ANKH: variants seen among roughly 807,000 people sequenced by gnomAD.
ANKH encodes the protein mineralization regulator ANKH.
In ANKH, 15 loss-of-function variants were observed where a neutral mutation model predicts 49.0. That is an observed-to-expected ratio of 0.31 (90% confidence interval 0.20 to 0.47). The LOEUF is 0.47. Among genes scored for constraint, ANKH ranks in the 20% least tolerant of loss-of-function variants. ANKH has a pLI of 1.00. For missense variants in ANKH, 429 were observed against 652.0 expected (o/e 0.66, Z 3.72); for synonymous variants, 273 against 260.0 (o/e 1.05, Z -0.48).
chr5:14,767,673 A>G (rs1255742171), intron 2 of ANKH, among the ~76,000 whole-genome samples: 4 of 152,212 alleles, frequency 2.6e-5, no homozygotes, highest in Non-Finnish European at 5.9e-5. Context: ...AACCATGGCT[A>G]AATAGGGAAT....
chr5:14,756,704 TTGTCTG>T (rs1331495343), intron 3 of ANKH, among the ~76,000 whole-genome samples: 5 of 152,074 alleles, frequency 3.3e-5, no homozygotes, highest in African/African-American at 1.2e-4. Flanking sequence ...GCTGGCTTTG[TTGTCTG>T]AAAGCCACCA....
chr5:14,719,523 C>CT (rs1395036174), intron 8 of ANKH, among the ~76,000 whole-genome samples: 1 of 152,126 alleles, frequency 6.6e-6, no homozygotes, highest in East Asian at 1.9e-4. Context: ...CCGAGAGATG[C>CT]TAACTACCTA....
intron 1 of ANKH, among the ~76,000 whole-genome samples, chr5:14,838,654 A>G (rs1741730519): frequency 6.6e-6 from 1 of 152,144 alleles, no homozygotes; most frequent in African/African-American, 2.4e-5. Flanking sequence ...CTGTAACACA[A>G]ATACCCAGTC....
intron 8 of ANKH, among the ~76,000 whole-genome samples, chr5:14,732,957 C>T (rs930275760): frequency 1.3e-5 from 2 of 152,282 alleles, no homozygotes; most frequent in South Asian, 2.1e-4. Context: ...GAGCCACAGG[C>T]GTGACAGACA....
At chr5:14,850,041 A>G (rs1222274815) in intron 1 of ANKH, among the ~76,000 whole-genome samples, 1 of 151,784 alleles carries the variant, frequency 6.6e-6, no homozygotes, top group African/African-American at 2.4e-5. Flanking sequence ...CGCCTCACAT[A>G]AAAGGTATGT....
chr5:14,748,168 T>G (rs531204527), intron 6 of ANKH, among the ~76,000 whole-genome samples: 1 of 152,334 alleles, frequency 6.6e-6, no homozygotes, highest in South Asian at 2.1e-4. Context: ...AAACTTGAAC[T>G]GAAGTATTCA....
intron 6 of ANKH, 90 bp downstream of exon 6, chr5:14,749,082 G>A: frequency 6.4e-7 from 1 of 1,561,580 alleles, no homozygotes; most frequent in Non-Finnish European, 8.8e-7. Context: ...GGAATTACTT[G>A]AGCTCTCGAG....
intron 1 of ANKH, chr5:14,797,246 A>C: frequency 7.2e-7 from 1 of 1,381,476 alleles, no homozygotes; most frequent in Non-Finnish European, 1.0e-6. Context: ...CTCAAGGTTC[A>C]CTGGGATTCC....
intron 8 of ANKH, among the ~76,000 whole-genome samples, chr5:14,722,836 C>CA (rs1737710812): frequency 6.6e-6 from 1 of 151,954 alleles, no homozygotes; most frequent in Admixed American, 6.6e-5. Context: ...GGAAACCCGT[C>CA]CTGACAGCAG....
At chr5:14,730,979 C>A (rs896342634) in intron 8 of ANKH, among the ~76,000 whole-genome samples, 2 of 152,220 alleles carry the variant, frequency 1.3e-5, no homozygotes, top group Non-Finnish European at 1.5e-5. Context: ...TAAGGAAGCA[C>A]CTGCCTGCCA....
intron 2 of ANKH, among the ~76,000 whole-genome samples, chr5:14,763,339 T>C (rs1396137491): frequency 6.6e-6 from 1 of 152,240 alleles, no homozygotes; most frequent in Non-Finnish European, 1.5e-5. Context: ...ATTTCCAAGG[T>C]ATGTGTGTTT....
At chr5:14,865,816 T>C (rs1441635423) in intron 1 of ANKH, among the ~76,000 whole-genome samples, 3 of 152,222 alleles carry the variant, frequency 2.0e-5, no homozygotes, top group Non-Finnish European at 4.4e-5. Context: ...CTTGTGATAT[T>C]AATAATTTGG....
In ANKH at chr5:14,770,040, G is replaced by C. The variant is rs939032508; in HGVS notation, c.97-849C>G. Among the ~76,000 whole-genome samples, 5 of 152,170 alleles carry C rather than the reference G, an allele frequency of 3.3e-5. No homozygotes were observed. Among genetic ancestry groups the C allele is most frequent in the African/African-American group, 4.8e-5 (2 of 41,442 alleles). ...ACCAGTGGGAATGGATGTCCAGGTA[G>C]AGAGAGCTTTCTGACTAAAATGCCT... On this transcript the variant is annotated intron_variant, in intron 1 of 11. Transcript: ENST00000284268. This position sits in a 1 kb window ranked among gnomAD's most constrained non-coding sequence, Gnocchi z 4.1.
At chr5:14,792,205 G>C (rs1177023942) in intron 1 of ANKH, among the ~76,000 whole-genome samples, 1 of 152,148 alleles carries the variant, frequency 6.6e-6, no homozygotes, top group East Asian at 1.9e-4. Flanking sequence ...CAGGTGTCTA[G>C]AGTCGAGTCC....
intron 1 of ANKH, among the ~76,000 whole-genome samples, chr5:14,837,656 A>G (rs1414469792): frequency 6.6e-6 from 1 of 152,230 alleles, no homozygotes; most frequent in East Asian, 1.9e-4. Flanking sequence ...AGAAACAGGA[A>G]CACTTTTACA....
At chr5:14,834,813 T>G (rs1326845775) in intron 1 of ANKH, among the ~76,000 whole-genome samples, 4 of 152,174 alleles carry the variant, frequency 2.6e-5, no homozygotes, top group Admixed American at 6.6e-5. Flanking sequence ...TTGTGTCATC[T>G]TGGACATGTG....
intron 1 of ANKH, among the ~76,000 whole-genome samples, chr5:14,795,345 T>A (rs1740339461): frequency 1.3e-5 from 2 of 152,082 alleles, no homozygotes; most frequent in South Asian, 4.1e-4. Context: ...TTTTCTGCAT[T>A]TGGAAAAAAA....
intron 1 of ANKH, chr5:14,868,544 C>CATGCAA (rs1735723314): frequency 4.0e-5 from 6 of 151,848 alleles, no homozygotes; most frequent in Admixed American, 3.9e-4. Flanking sequence ...GGATTACAGG[C>CATGCAA]ATGCAATACC....
At chr5:14,807,981 C>A (rs1561064824) in intron 1 of ANKH, among the ~76,000 whole-genome samples, 2 of 152,164 alleles carry the variant, frequency 1.3e-5, no homozygotes, top group African/African-American at 4.8e-5. Flanking sequence ...ATTTTAGGCA[C>A]CAAAATGTTA....
Sources: allele counts gnomAD v4.1 joint callset (sites outside exome capture counted in the v4.1 genomes callset), GRCh38; gene constraint gnomAD v4.1.1; non-coding constraint Gnocchi (gnomAD v3.1); transcripts MANE v1.5; gene names NCBI Gene and HGNC (gene_info 2026-07-23, HGNC 2026-07-21).